The following HSH2D variants were observed in gnomAD, a reference collection of about 807,000 sequenced individuals.
HSH2D encodes the protein hematopoietic SH2 domain-containing protein.
A neutral mutation model predicts 21.5 loss-of-function variants in HSH2D; 16 were observed. The observed-to-expected ratio is 0.74, with a 90% CI of 0.50 to 1.13. HSH2D has a LOEUF of 1.13. Ranked by LOEUF, HSH2D falls within the 50% of genes most tolerant of loss-of-function variation. HSH2D has a pLI of 0.00. For synonymous variants in HSH2D, 172 were observed against 184.7 expected (o/e 0.93, Z 0.56); for missense variants, 418 against 441.4 (o/e 0.95, Z 0.47).
At chr19:16,135,142 C>T (rs1318243868) in intron 1 of HSH2D, among the ~76,000 whole-genome samples, 7 of 151,978 alleles carry the variant, frequency 4.6e-5, no homozygotes, top group East Asian at 1.9e-4. Context: ...CATGGTTGCA[C>T]GCGCCTGTAG....
rs372337018 is a variant in HSH2D, at chr19:16,154,247, T to G, written c.382-152T>G. Among the ~76,000 whole-genome samples, 528 of 151,972 alleles carry G rather than the reference T, an allele frequency of 3.5e-3. 6 individuals carry two copies. Among genetic ancestry groups the G allele is most frequent in the African/African-American group, 0.012 (512 of 41,468 alleles). Reference sequence around the variant, plus strand: ...CCAATCCCTAAGAAATGGCTGTGGGTGGGGCATATTTTCTTATAACGCTTA... The same window carrying G: ...CCAATCCCTAAGAAATGGCTGTGGGGGGGGCATATTTTCTTATAACGCTTA... On this transcript the variant is annotated intron_variant, in intron 4 of 5. Transcript: ENST00000613986.
intron 1 of HSH2D, among the ~76,000 whole-genome samples, chr19:16,144,327 T>C (rs796402882): frequency 1.1e-4 from 17 of 151,226 alleles, no homozygotes; most frequent in Middle Eastern, 3.4e-3. Context: ...GGGGGGAACG[T>C]TGGGGACAGA....
chr19:16,141,107 A>G (rs2090996879), upstream of HSH2D, among the ~76,000 whole-genome samples: 1 of 152,210 alleles, frequency 6.6e-6, no homozygotes, highest in African/African-American at 2.4e-5. Flanking sequence ...GCATCTTCAC[A>G]TGATTAAGGA....
At chr19:16,155,317 T>TG (rs1481706913) in intron 5 of HSH2D, among the ~76,000 whole-genome samples, 6 of 151,730 alleles carry the variant, frequency 4.0e-5, no homozygotes, top group African/African-American at 1.5e-4. Flanking sequence ...CTAGAGGAGG[T>TG]GGCTTATAGC....
chr19:16,134,543 G>A (rs2090947135), intron 1 of HSH2D, among the ~76,000 whole-genome samples: 1 of 152,150 alleles, frequency 6.6e-6, no homozygotes, highest in Non-Finnish European at 1.5e-5. Context: ...TAGGCCAGTG[G>A]CTTTCAAGCT....
At chr19:16,137,551 T>C (rs1279479219) in intron 1 of HSH2D, among the ~76,000 whole-genome samples, 1 of 142,488 alleles carries the variant, frequency 7.0e-6, no homozygotes, top group Non-Finnish European at 1.5e-5. Flanking sequence ...CACTCCAGCC[T>C]GGGCAACAGA....
chr19:16,158,213 T>G lies in HSH2D; in HGVS notation c.*419T>G. ...CAGGTGAATCCGAGCCCTTTTCCCA[T>G]ATCATCTGTTTGTTCTGTTGTCTAA... On this transcript the variant is annotated 3_prime_UTR_variant, in exon 6 of 6. Transcript: ENST00000613986. The G allele has an allele frequency of 6.1e-6, 1 of 163,310 alleles. No homozygotes were observed. 10.1% of individuals were successfully genotyped at this position (163,310 alleles called of 1,614,324 possible).
chr19:16,143,489 C>T (rs2091021519), upstream of HSH2D: 1 of 239,940 alleles, frequency 4.2e-6, no homozygotes, highest in Non-Finnish European at 8.8e-6. Flanking sequence ...CCCCTGTGTC[C>T]TCCAAACAGC....
In HSH2D at chr19:16,150,938, T is replaced by C. The variant is rs568740812; in HGVS notation, c.126-1614T>C. Among the ~76,000 whole-genome samples, 17 of 152,332 alleles carry C rather than the reference T, an allele frequency of 1.1e-4. 1 individual carries two copies. The South Asian group carries it at 3.5e-3, about 32-fold the overall frequency. ...AAATCAGTACAAAAGGCCAGTGGCC[T>C]CTGTATTGAACAGTGCAGGACCAAA... On this transcript the variant is annotated intron_variant, in intron 2 of 5. Transcript: ENST00000613986.
intron 1 of HSH2D, among the ~76,000 whole-genome samples, chr19:16,137,592 GA>G (rs922962634): frequency 7.0e-6 from 1 of 142,988 alleles, no homozygotes; most frequent in African/African-American, 2.6e-5. Context: ...AAAAAAAAAA[GA>G]AAAAAAGAAG....
At position 16,158,095 on chromosome 19, in the gene HSH2D, C is replaced by A; in HGVS notation, c.*301C>A. On this transcript the variant is annotated 3_prime_UTR_variant, in exon 6 of 6. Transcript: ENST00000613986. ...AGCAAGGCCCTCAGGGAGGGTCATC[C>A]TCCATGTTTTGAAGAAGAGACTGAG... 3.3e-6 allele frequency: 1 copy of A among 299,190 alleles called. No homozygotes were observed. The highest frequency in any genetic ancestry group is 6.2e-6 in the Non-Finnish European group (1 of 162,056). The allele number at this position is 299,190 out of a possible 1,614,324, so 18.5% of individuals were successfully genotyped here.
chr19:16,148,619 C>A, intron 1 of HSH2D, 105 bp from the exon 2 acceptor site: 1 of 1,135,124 alleles, frequency 8.8e-7, no homozygotes, highest in Non-Finnish European at 1.3e-6. Flanking sequence ...CTCTGTCCAC[C>A]CTGGAGGACT....
intron 1 of HSH2D, among the ~76,000 whole-genome samples, chr19:16,136,001 AG>A (rs2090961338): frequency 1.3e-5 from 2 of 152,064 alleles, no homozygotes; most frequent in East Asian, 3.9e-4. Flanking sequence ...TCTGCAGCCT[AG>A]GGGGCAGCTC....
chr19:16,138,503 G>T (rs893765438), intron 1 of HSH2D, among the ~76,000 whole-genome samples: 2 of 152,150 alleles, frequency 1.3e-5, no homozygotes, highest in African/African-American at 2.4e-5. Context: ...TGTTGCCCAG[G>T]CTGGAGTGCA....
intron 1 of HSH2D, among the ~76,000 whole-genome samples, chr19:16,144,054 G>C (rs1202622493): frequency 6.6e-6 from 1 of 152,120 alleles, no homozygotes; most frequent in African/African-American, 2.4e-5. Context: ...AATGTGGGTA[G>C]CGGGGAAGTA....
At position 16,152,627 on chromosome 19, in the gene HSH2D, C is replaced by T. The variant is rs760337514; in HGVS notation, c.201C>T (p.Tyr67=). The change falls in exon 3 of 6, where the codon TAC becomes TAT. Residue 67 remains tyrosine (Y), a synonymous_variant. Transcript: ENST00000613986. ...GGGTCAGTCACAGCCATGTGGGCTA[C>T]ACACTCTCCTACAAGTAAGGCCTGG... ...LIRVSHSHVG[Y]TLSYKAQSSC... is the part of the protein sequence containing the mutation. 1 of 1,534,806 alleles carries T rather than the reference C, an allele frequency of 6.5e-7. No homozygotes were observed. Among genetic ancestry groups the T allele is most frequent in the Non-Finnish European group, 8.7e-7 (1 of 1,143,654 alleles).
At chr19:16,147,213 A>C (rs1304857487) in intron 1 of HSH2D, among the ~76,000 whole-genome samples, 1 of 152,070 alleles carries the variant, frequency 6.6e-6, no homozygotes, top group East Asian at 1.9e-4. Flanking sequence ...GGCTGGGCAC[A>C]ATGGCTCACA....
Position 16,154,443 on chromosome 19 carries a change from C to T in HSH2D, c.426C>T (p.Ser142=). The T allele has an allele frequency of 6.4e-7, 1 of 1,552,652 alleles. No individual in the cohort carries two copies. The change falls in exon 5 of 6, where the codon TCC becomes TCT. Residue 142 remains serine (S), a synonymous_variant. Transcript: ENST00000613986. ...NVDYEDLFLY[S]NAVAEEAACP... ...ATTACGAGGATCTCTTCCTCTACTC[C>T]AACGCAGTGGCCGAGGAAGCTGCCT...
At chr19:16,150,161 G>A (rs2091129089) in intron 2 of HSH2D, among the ~76,000 whole-genome samples, 1 of 152,194 alleles carries the variant, frequency 6.6e-6, no homozygotes, top group Non-Finnish European at 1.5e-5. Context: ...TTTAATCCCA[G>A]CTACTTGGAA....
Sources: allele counts gnomAD v4.1 joint callset (sites outside exome capture counted in the v4.1 genomes callset), GRCh38; gene constraint gnomAD v4.1.1; transcripts MANE v1.5; gene names NCBI Gene and HGNC (gene_info 2026-07-23, HGNC 2026-07-21).